The following GBE1 variants were observed in gnomAD, a reference collection of about 807,000 sequenced individuals.
The protein encoded by GBE1 is 1,4-alpha-glucan-branching enzyme.
Under a neutral mutation model 88.8 loss-of-function variants are expected in GBE1, and 70 were observed. The observed-to-expected ratio is 0.79, with a 90% CI of 0.65 to 0.96. GBE1 has a LOEUF of 0.96. GBE1 is among the 40% of genes least tolerant of loss of function. GBE1 has a pLI of 0.00. For missense variants in GBE1, 872 were observed against 871.0 expected, an observed-to-expected ratio of 1.00 and a Z score of -0.01; for synonymous variants, 284 against 300.1, an observed-to-expected ratio of 0.95 and a Z score of 0.56.
intron 2 of GBE1, among the ~76,000 whole-genome samples, chr3:81,673,096 T>C (rs1331929427): frequency 6.6e-6 from 1 of 151,782 alleles, no homozygotes; most frequent in Non-Finnish European, 1.5e-5. Flanking sequence ...CAAATACATC[T>C]CACCTATACA....
chr3:81,515,369 TG>T (rs1702784496), intron 14 of GBE1, among the ~76,000 whole-genome samples: 1 of 151,562 alleles, frequency 6.6e-6, no homozygotes, highest in African/African-American at 2.4e-5. Flanking sequence ...CTGTGACCAG[TG>T]ATCCTTGTTA....
intron 2 of GBE1, among the ~76,000 whole-genome samples, chr3:81,696,131 A>G (rs1705590364): frequency 6.6e-6 from 1 of 152,178 alleles, no homozygotes; most frequent in South Asian, 2.1e-4. Flanking sequence ...AGAATACAAG[A>G]CAGTAATAGG....
At chr3:81,559,744 ATTGT>A (rs1703394112) in intron 12 of GBE1, among the ~76,000 whole-genome samples, 1 of 151,924 alleles carries the variant, frequency 6.6e-6, no homozygotes, top group Admixed American at 6.6e-5. Flanking sequence ...CAATCAAGTA[ATTGT>A]TTGATTATAC....
chr3:81,571,936 C>G (rs543694220), intron 12 of GBE1, among the ~76,000 whole-genome samples: 2 of 152,290 alleles, frequency 1.3e-5, no homozygotes, highest in African/African-American at 4.8e-5. Flanking sequence ...GACTTGATTA[C>G]TTGAGAATTG....
chr3:81,518,221 G>A lies in GBE1; in HGVS notation c.1934+16974C>T, dbSNP rs79716921. Among the ~76,000 whole-genome samples the A allele has an allele frequency of 4.8e-3, 730 of 151,360 alleles. 8 individuals carry two copies. Among genetic ancestry groups the A allele is most frequent in the Non-Finnish European group, 4.5e-3 (304 of 67,556 alleles). On this transcript the variant is annotated intron_variant, in intron 14 of 15. Transcript: ENST00000429644. ...GAAATAGAAGACAGAAATTTTGACT[G>A]GGCTATTGTTAGATGACTTTCTGAA...
intron 2 of GBE1, 76 bp downstream of exon 2, chr3:81,705,368 C>A: frequency 9.4e-7 from 1 of 1,066,894 alleles, no homozygotes; most frequent in Non-Finnish European, 1.3e-6. Flanking sequence ...TGGTTAAATA[C>A]ATGAAATATA....
At chr3:81,641,008 TA>T (rs1704670333) in intron 7 of GBE1, among the ~76,000 whole-genome samples, 1 of 152,150 alleles carries the variant, frequency 6.6e-6, no homozygotes, top group African/African-American at 2.4e-5. Context: ...AACAATGATG[TA>T]TGATCCCTTT....
intron 2 of GBE1, among the ~76,000 whole-genome samples, chr3:81,704,420 G>C (rs1017801524): frequency 2.6e-5 from 4 of 151,906 alleles, no homozygotes; most frequent in African/African-American, 9.7e-5. Flanking sequence ...CAGGTAACCA[G>C]CACCACAATC....
intron 12 of GBE1, among the ~76,000 whole-genome samples, chr3:81,562,142 T>C (rs1361082775): frequency 6.6e-6 from 1 of 152,032 alleles, no homozygotes; most frequent in Admixed American, 6.6e-5. Context: ...GTTCCTAGGA[T>C]AGTGCCTGGC....
chr3:81,756,911 GT>G (rs1706611690), intron 1 of GBE1, among the ~76,000 whole-genome samples: 1 of 152,068 alleles, frequency 6.6e-6, no homozygotes, highest in South Asian at 2.1e-4. Flanking sequence ...TAGAGAAATT[GT>G]TTTATATTAA....
At chr3:81,585,707 A>T (rs899876250) in intron 10 of GBE1, among the ~76,000 whole-genome samples, 29 of 152,198 alleles carry the variant, frequency 1.9e-4, no homozygotes, top group African/African-American at 7.0e-4. Flanking sequence ...CTATTAAGCA[A>T]GTACTGGGAA....
chr3:81,642,492 T>C (rs1204695236), intron 7 of GBE1: 1 of 244,992 alleles, frequency 4.1e-6, no homozygotes. Flanking sequence ...ATTGATAAAG[T>C]GGCCTTTTAG....
chr3:81,610,555 T>C (rs1443360744), intron 7 of GBE1, among the ~76,000 whole-genome samples: 6 of 152,190 alleles, frequency 3.9e-5, no homozygotes, highest in Non-Finnish European at 1.5e-5. Context: ...GTGGCATATA[T>C]ATTTCTAATG....
rs141854947 is a variant in GBE1 at position 81,546,896 on chromosome 3, T to G, written c.1619-9801A>C. Reference sequence around the variant, plus strand: ...TTTCTTGCCTGAGATCCAAAAACCCTCTCTTAGGGTCTGGATCAGGACCCC... The same window carrying G: ...TTTCTTGCCTGAGATCCAAAAACCCGCTCTTAGGGTCTGGATCAGGACCCC... On this transcript the variant is annotated intron_variant, in intron 12 of 15. Transcript: ENST00000429644. 2.5e-3 allele frequency among the ~76,000 whole-genome samples: 377 copies of G among 151,080 alleles called. 13 individuals carry two copies. Among genetic ancestry groups the G allele is most frequent in the South Asian group, 5.6e-3 (27 of 4,790 alleles).
At position 81,733,773 on chromosome 3, in the gene GBE1, G is replaced by A. The variant is rs1314811720; in HGVS notation, c.143+27602C>T. The stretch of plus-strand genomic sequence containing the variant: ...ATATTTGTGATGTTTATTGTGTATC[G>A]CCTGTCTCCTGCTGCTGGAAAGTAA... On this transcript the variant is annotated intron_variant, in intron 1 of 15. Transcript: ENST00000429644. The surrounding 1 kb of genome is among the most constrained non-coding windows in gnomAD (Gnocchi z 4.0). 1.3e-5 allele frequency among the ~76,000 whole-genome samples: 2 copies of A among 151,808 alleles called. No homozygotes were observed. Among genetic ancestry groups the A allele is most frequent in the Admixed American group, 6.6e-5 (1 of 15,216 alleles).
chr3:81,646,300 T>G (rs1704761993), intron 6 of GBE1, 92 bp downstream of exon 6: 1 of 824,398 alleles, frequency 1.2e-6, no homozygotes, highest in South Asian at 1.6e-5. Flanking sequence ...CCTAAAAGGT[T>G]ACACGATGTT....
intron 1 of GBE1, among the ~76,000 whole-genome samples, chr3:81,708,057 C>A (rs1019564540): frequency 5.3e-5 from 8 of 151,988 alleles, no homozygotes; most frequent in African/African-American, 1.9e-4. Flanking sequence ...TAATTTTTCA[C>A]ATTATTAAAA....
At chr3:81,498,280 C>T (rs1406770427) in intron 15 of GBE1, among the ~76,000 whole-genome samples, 1 of 152,102 alleles carries the variant, frequency 6.6e-6, no homozygotes, top group Non-Finnish European at 1.5e-5. Context: ...AGGGGTACCA[C>T]AGAGATCCTC....
At chr3:81,559,551 C>T (rs1476678690) in intron 12 of GBE1, among the ~76,000 whole-genome samples, 1 of 151,798 alleles carries the variant, frequency 6.6e-6, no homozygotes, top group African/African-American at 2.4e-5. Flanking sequence ...TCTGGAGAGC[C>T]ACACACTATT....
Sources: allele counts gnomAD v4.1 joint callset (sites outside exome capture counted in the v4.1 genomes callset), GRCh38; gene constraint gnomAD v4.1.1; non-coding constraint Gnocchi (gnomAD v3.1); transcripts MANE v1.5; gene names NCBI Gene and HGNC (gene_info 2026-07-23, HGNC 2026-07-21).